The following MAP4K5 variants were observed in gnomAD, a reference collection of about 807,000 sequenced individuals.
The protein encoded by MAP4K5 is mitogen-activated protein kinase kinase kinase kinase 5.
Under a neutral mutation model 135.6 loss-of-function variants are expected in MAP4K5, and 82 were observed. The ratio of observed to expected loss-of-function variants is 0.60; its 90% CI spans 0.51 to 0.73. MAP4K5 has a LOEUF of 0.73. Ranked by LOEUF, MAP4K5 falls within the 30% of genes least tolerant of loss-of-function variation. MAP4K5 has a pLI of 0.00. For missense variants in MAP4K5, 907 were observed against 1,010.9 expected (o/e 0.90, Z 1.39); for synonymous variants, 347 against 335.0 (o/e 1.04, Z -0.39).
At chr14:50,461,699 T>C (rs2356249) in intron 13 of MAP4K5, among the ~76,000 whole-genome samples, 97,348 of 151,924 alleles carry the variant, frequency 0.64, 31,451 homozygotes, top group East Asian at 0.75. Flanking sequence ...GGCAGGTGGA[T>C]CATGATGTCA....
At chr14:50,423,547 G>C (rs911805827) in intron 31 of MAP4K5, among the ~76,000 whole-genome samples, 1 of 151,926 alleles carries the variant, frequency 6.6e-6, no homozygotes, top group African/African-American at 2.4e-5. Context: ...GGGGGCCAAG[G>C]CTTGAGGTCA....
intron 31 of MAP4K5, among the ~76,000 whole-genome samples, 178 bp downstream of exon 31, chr14:50,425,729 T>C (rs2035830680): frequency 6.6e-6 from 1 of 152,242 alleles, no homozygotes; most frequent in South Asian, 2.1e-4. Flanking sequence ...AATTTTGAAC[T>C]ATGATACAGA....
intron 2 of MAP4K5, among the ~76,000 whole-genome samples, chr14:50,512,406 C>G (rs2037949041): frequency 6.6e-6 from 1 of 151,912 alleles, no homozygotes; most frequent in African/African-American, 2.4e-5. Flanking sequence ...AGGATTTGAA[C>G]AACAATCACA....
In MAP4K5 at chr14:50,483,803, G is replaced by A. The variant is rs185564741; in HGVS notation, c.323-1387C>T. ...TGAATGGACAAAAATTACAATTACC[G>A]AATAAAAACTTTTCACAGAAAAGAC... On this transcript the variant is annotated intron_variant, in intron 5 of 32. Transcript: ENST00000682126. 2.7e-3 allele frequency among the ~76,000 whole-genome samples: 403 copies of A among 148,210 alleles called. 2 individuals carry two copies. The highest frequency in any genetic ancestry group is 9.2e-3 in the African/African-American group (371 of 40,472).
chr14:50,432,934 T>A (rs2036006568), intron 28 of MAP4K5, among the ~76,000 whole-genome samples: 1 of 152,120 alleles, frequency 6.6e-6, no homozygotes, highest in Non-Finnish European at 1.5e-5. Context: ...GCCTTCCAGG[T>A]TCATGCGATT....
At chr14:50,479,707 T>A (rs1478823507) in intron 6 of MAP4K5, among the ~76,000 whole-genome samples, 1 of 152,200 alleles carries the variant, frequency 6.6e-6, no homozygotes, top group Non-Finnish European at 1.5e-5. Context: ...GCTTCTTTGC[T>A]TGTCTGGTAA....
rs567527767 is a variant in MAP4K5 at position 50,431,038 on chromosome 14, C to T, written c.2165-1778G>A. ...AAAAGTACATGTTTCCCCAAGGCCA[C>T]GGGCAAACATGCAATTGAAGGCGGT... is the stretch of plus-strand genomic sequence containing the variant. On this transcript the variant is annotated intron_variant, in intron 28 of 32. Coordinates refer to ENST00000682126, the MANE Select transcript of MAP4K5 (RefSeq NM_006575.6). Among the ~76,000 whole-genome samples the T allele has an allele frequency of 1.8e-4, 28 of 152,176 alleles. No homozygotes were observed. The East Asian group carries it at 2.3e-3, about 13-fold the overall frequency.
intron 27 of MAP4K5, 123 bp from the exon 28 acceptor site, chr14:50,434,694 CCT>C (rs1317247447): frequency 1.1e-6 from 1 of 882,218 alleles, no homozygotes; most frequent in Non-Finnish European, 1.7e-6. Flanking sequence ...AAAAGGATTA[CCT>C]CTAAGATGAT....
chr14:50,487,700 G>T (rs771430096), intron 3 of MAP4K5, among the ~76,000 whole-genome samples: 2 of 152,184 alleles, frequency 1.3e-5, no homozygotes, highest in Non-Finnish European at 2.9e-5. Context: ...ATGATCTCCT[G>T]TTCCTCATTA....
chr14:50,496,791 G>T (rs1318384769), intron 3 of MAP4K5, among the ~76,000 whole-genome samples: 1 of 150,988 alleles, frequency 6.6e-6, no homozygotes, highest in Non-Finnish European at 1.5e-5. Flanking sequence ...ACTACAACAG[G>T]TGTGAACCAC....
At position 50,476,189 on chromosome 14, in the gene MAP4K5, T is replaced by C. The variant is rs1377534656; in HGVS notation, c.427-19A>G. Reference sequence around the variant, plus strand: ...TAGCACCCTAGAACAAAAATACAAATACAATTAAATTAGCATCATAAAATT... The same window carrying C: ...TAGCACCCTAGAACAAAAATACAAACACAATTAAATTAGCATCATAAAATT... On this transcript the variant is annotated intron_variant, in intron 7 of 32. Coordinates refer to ENST00000682126, the MANE Select transcript of MAP4K5 (RefSeq NM_006575.6). 1 of 1,490,684 alleles carries C rather than the reference T, an allele frequency of 6.7e-7. No homozygotes were observed. Among genetic ancestry groups the C allele is most frequent in the Non-Finnish European group, 9.1e-7 (1 of 1,104,818 alleles). The allele number at this position is 1,490,684 out of a possible 1,614,324, so 92.3% of individuals were successfully genotyped here. A position where few individuals can be genotyped will look rare whatever the true frequency, so the allele number is the denominator to read the frequency against.
At chr14:50,476,086 T>C (rs1469347466) in intron 8 of MAP4K5, 42 bp downstream of exon 8, 2 of 1,169,542 alleles carry the variant, frequency 1.7e-6, no homozygotes, top group Admixed American at 3.1e-5. Flanking sequence ...TAAAATGTCA[T>C]TAAATTTTTG....
intron 28 of MAP4K5, among the ~76,000 whole-genome samples, chr14:50,433,598 T>TG (rs1404518316): frequency 6.6e-6 from 1 of 152,216 alleles, no homozygotes; most frequent in African/African-American, 2.4e-5. Context: ...AGCCTATAAA[T>TG]GATCAAAAGC....
At chr14:50,441,651 A>AG (rs2036228074) in intron 21 of MAP4K5, among the ~76,000 whole-genome samples, 1 of 151,812 alleles carries the variant, frequency 6.6e-6, no homozygotes, top group African/African-American at 2.4e-5. Context: ...GCCCAAGCCC[A>AG]GGAGTTTGAG....
At chr14:50,559,981 A>G (rs1234065479) in intron 1 of MAP4K5, 1 of 500,334 alleles carries the variant, frequency 2.0e-6, no homozygotes, top group Non-Finnish European at 3.6e-6. Flanking sequence ...ATGTTGCGGT[A>G]CGTGGTCTAT....
chr14:50,472,744 T>C (rs868309609), intron 9 of MAP4K5, among the ~76,000 whole-genome samples: 1 of 152,210 alleles, frequency 6.6e-6, no homozygotes, highest in South Asian at 2.1e-4. Flanking sequence ...ATGAATCTTA[T>C]AAGAATGTAT....
At chr14:50,530,627 T>G (rs920362437) in intron 2 of MAP4K5, among the ~76,000 whole-genome samples, 1 of 152,198 alleles carries the variant, frequency 6.6e-6, no homozygotes, top group African/African-American at 2.4e-5. Context: ...CCTCTAATTT[T>G]ACATAAAGAA....
chr14:50,429,518 G>A (rs921516417), intron 28 of MAP4K5, among the ~76,000 whole-genome samples: 35 of 152,126 alleles, frequency 2.3e-4, no homozygotes, highest in Non-Finnish European at 1.2e-4. Flanking sequence ...CTACAAAGGT[G>A]AATCACAAAA....
chr14:50,458,595 C>T (rs1373818356), intron 13 of MAP4K5, among the ~76,000 whole-genome samples: 1 of 151,832 alleles, frequency 6.6e-6, no homozygotes, highest in Non-Finnish European at 1.5e-5. Context: ...CTCATTGAAA[C>T]TCTCCTTTCT....
Sources: allele counts gnomAD v4.1 joint callset (sites outside exome capture counted in the v4.1 genomes callset), GRCh38; gene constraint gnomAD v4.1.1; transcripts MANE v1.5; gene names NCBI Gene and HGNC (gene_info 2026-07-23, HGNC 2026-07-21).